CACNA1C: variants seen among roughly 807,000 people sequenced by gnomAD.
CACNA1C encodes voltage-dependent L-type calcium channel subunit alpha-1C.
In CACNA1C, 30 loss-of-function variants were observed where a neutral mutation model predicts 229.0. The observed-to-expected ratio is 0.13, with a 90% CI of 0.10 to 0.18. The LOEUF (loss-of-function observed/expected upper bound fraction) is 0.18. Ranked by LOEUF, CACNA1C falls within the 10% of genes least tolerant of loss-of-function variation. The pLI, the probability that CACNA1C is intolerant of heterozygous loss-of-function variation, is 1.00. For missense variants in CACNA1C, 1,658 were observed against 2,845.0 expected, an observed-to-expected ratio of 0.58 and a Z score of 9.49; for synonymous variants, 1,114 against 1,132.5, an observed-to-expected ratio of 0.98 and a Z score of 0.33.
intron 5 of CACNA1C, among the ~76,000 whole-genome samples, chr12:2,470,427 G>GA (rs1286389471): frequency 1.3e-5 from 2 of 152,200 alleles, no homozygotes. Context: ...AGGGGGGAAT[G>GA]AAATGAAGAT....
chr12:2,225,482 C>T (rs879351386), intron 3 of CACNA1C, among the ~76,000 whole-genome samples: 2 of 152,180 alleles, frequency 1.3e-5, no homozygotes, highest in Non-Finnish European at 2.9e-5. Flanking sequence ...AGAAATTTCT[C>T]AACTTTCTGG....
chr12:2,649,591 G>T lies in CACNA1C; in HGVS notation c.3945+1084G>T, dbSNP rs191237182. On this transcript the variant is annotated intron_variant, in intron 31 of 46. Coordinates refer to ENST00000399655, the MANE Select transcript of CACNA1C (RefSeq NM_000719.7). The surrounding 1 kb of genome is among the most constrained non-coding windows in gnomAD (Gnocchi z 4.4). ...TGGCAGTGAGTTTATTCTCCTTCTCGAGCAGCATTAGGAAACTGCAGCCAC... is the reference window on the plus strand; with the variant it reads ...TGGCAGTGAGTTTATTCTCCTTCTCTAGCAGCATTAGGAAACTGCAGCCAC... Among the ~76,000 whole-genome samples the T allele has an allele frequency of 6.6e-6, 1 of 152,084 alleles. No individual in the cohort carries two copies. Among genetic ancestry groups the T allele is most frequent in the Non-Finnish European group, 1.5e-5 (1 of 68,034 alleles).
intron 1 of CACNA1C, among the ~76,000 whole-genome samples, chr12:2,089,077 C>T (rs2068986959): frequency 6.6e-6 from 1 of 152,178 alleles, no homozygotes; most frequent in South Asian, 2.1e-4. Flanking sequence ...CCCAGTGATT[C>T]ATTCTGCTTT....
At chr12:2,578,228 C>G (rs181022741) in intron 13 of CACNA1C, among the ~76,000 whole-genome samples, 36 of 152,260 alleles carry the variant, frequency 2.4e-4, no homozygotes, top group African/African-American at 8.4e-4. Flanking sequence ...AGATGTGAGG[C>G]CTGAAGGAGC....
At chr12:2,588,939 G>T (rs559088612) in intron 18 of CACNA1C, among the ~76,000 whole-genome samples, 5 of 152,282 alleles carry the variant, frequency 3.3e-5, no homozygotes, top group Admixed American at 2.6e-4. Flanking sequence ...TTTCATTGCT[G>T]CAGAGGGTTC....
At chr12:2,302,046 T>C (rs1358220865) in intron 3 of CACNA1C, among the ~76,000 whole-genome samples, 2 of 152,218 alleles carry the variant, frequency 1.3e-5, no homozygotes, top group African/African-American at 4.8e-5. Flanking sequence ...TTGTAAACTT[T>C]GGTTCACTTA....
At chr12:2,106,335 G>A (rs1197761129) in intron 1 of CACNA1C, among the ~76,000 whole-genome samples, 1 of 58,406 alleles carries the variant, frequency 1.7e-5, no homozygotes, top group African/African-American at 5.7e-5. Context: ...CCCCGGGGAG[G>A]GTTTCCACCT....
intron 3 of CACNA1C, among the ~76,000 whole-genome samples, chr12:2,123,298 C>T (rs1236647242): frequency 7.3e-6 from 1 of 136,588 alleles, no homozygotes. Context: ...ATGGTGTGAA[C>T]GTGGGAGGCG....
At chr12:2,176,042 A>G (rs778148130) in intron 3 of CACNA1C, among the ~76,000 whole-genome samples, 17 of 152,236 alleles carry the variant, frequency 1.1e-4, no homozygotes, top group Middle Eastern at 3.4e-3. Context: ...TGTGCTATAT[A>G]TTTAGTTCAG....
chr12:2,310,124 C>T (rs141958293), intron 3 of CACNA1C, among the ~76,000 whole-genome samples: 1 of 152,258 alleles, frequency 6.6e-6, no homozygotes, highest in Non-Finnish European at 1.5e-5. Context: ...ACAAAGCCCT[C>T]TGCGATGATT....
intron 3 of CACNA1C, among the ~76,000 whole-genome samples, chr12:2,322,151 A>C (rs186784914): frequency 1.7e-4 from 26 of 152,302 alleles, no homozygotes; most frequent in Non-Finnish European, 8.8e-5. Context: ...TTTACAAGTT[A>C]TTTTCCGTGC....
chr12:2,596,100 T>C (rs1168651194), intron 20 of CACNA1C, 97 bp downstream of exon 20: 1 of 1,235,856 alleles, frequency 8.1e-7, no homozygotes, highest in East Asian at 2.5e-5. Context: ...AGGAGCCCAA[T>C]TCTAGGTGTC....
intron 5 of CACNA1C, among the ~76,000 whole-genome samples, chr12:2,485,704 G>C (rs372881177): frequency 1.3e-5 from 2 of 152,096 alleles, no homozygotes; most frequent in Non-Finnish European, 2.9e-5. Context: ...GAAAAACCTC[G>C]AGGATAAATG....
At chr12:2,481,453 T>C (rs1031772754) in intron 5 of CACNA1C, among the ~76,000 whole-genome samples, 1 of 152,234 alleles carries the variant, frequency 6.6e-6, no homozygotes, top group Non-Finnish European at 1.5e-5. Flanking sequence ...CCAGAGGGAA[T>C]GCGGGCAGCA....
rs149587186 is a variant in CACNA1C, at chr12:2,218,190, G to A, written c.477+97760G>A. On this transcript the variant is annotated intron_variant, in intron 3 of 46. Coordinates refer to ENST00000399655, the MANE Select transcript of CACNA1C (RefSeq NM_000719.7). ...CTACTCTAGCATCCTTTGCCTCTCC[G>A]TAGCCTCTCACTCCCTGAGATGCAG... is the stretch of plus-strand genomic sequence containing the variant. 3.1e-3 allele frequency among the ~76,000 whole-genome samples: 474 copies of A among 152,212 alleles called. 4 individuals carry two copies. Among genetic ancestry groups the A allele is most frequent in the African/African-American group, 0.011 (442 of 41,540 alleles).
At chr12:2,343,676 G>T (rs916538439) in intron 3 of CACNA1C, among the ~76,000 whole-genome samples, 3 of 152,288 alleles carry the variant, frequency 2.0e-5, no homozygotes, top group African/African-American at 7.2e-5. Context: ...AAGAGTGGGG[G>T]CTGGGAAAAT....
At chr12:2,593,383 C>G (rs1219632888) in intron 19 of CACNA1C, 38 bp downstream of exon 19, 1 of 1,609,210 alleles carries the variant, frequency 6.2e-7, no homozygotes, top group Non-Finnish European at 8.5e-7. Flanking sequence ...GTCCTGCTCT[C>G]TCTAGTACCA....
At chr12:2,169,132 C>T (rs2096370018) in intron 3 of CACNA1C, among the ~76,000 whole-genome samples, 1 of 152,134 alleles carries the variant, frequency 6.6e-6, no homozygotes. Context: ...GCTGAGTGCA[C>T]CACCTCTGTA....
chr12:2,582,480 C>T (rs1388559170), intron 14 of CACNA1C, among the ~76,000 whole-genome samples: 28 of 152,306 alleles, frequency 1.8e-4, no homozygotes, highest in Admixed American at 1.8e-3. Flanking sequence ...TAGCCTGTGG[C>T]TGTCTCAGCA....
Sources: gnomAD v4.1 joint callset for allele counts (sites outside exome capture counted in the v4.1 genomes callset) on GRCh38, gnomAD v4.1.1 for gene constraint, Gnocchi (gnomAD v3.1) non-coding constraint, MANE v1.5 for transcripts, NCBI Gene and HGNC (gene_info 2026-07-23, HGNC 2026-07-21) for gene names.